PCDHGA10: variants seen among roughly 807,000 people sequenced by gnomAD.
The protein encoded by PCDHGA10 is protocadherin gamma-A10.
A neutral mutation model predicts 59.5 loss-of-function variants in PCDHGA10; 42 were observed. That is an observed-to-expected ratio of 0.71 (90% confidence interval 0.55 to 0.91). The LOEUF (loss-of-function observed/expected upper bound fraction) is 0.91. Ranked by LOEUF, PCDHGA10 falls within the 40% of genes least tolerant of loss-of-function variation. The pLI, the probability that PCDHGA10 is intolerant of heterozygous loss-of-function variation, is 0.00. For missense variants in PCDHGA10, 1,111 were observed against 1,198.2 expected (o/e 0.93, Z 1.07); for synonymous variants, 511 against 517.2 (o/e 0.99, Z 0.16).
In PCDHGA10 at chr5:141,489,872, T is replaced by A. The variant is rs2099693206; in HGVS notation, c.2437-4935T>A. 1 of 1,614,090 alleles carries A rather than the reference T, an allele frequency of 6.2e-7. No homozygotes were observed. The highest frequency in any genetic ancestry group is 8.5e-7 in the Non-Finnish European group (1 of 1,180,016). On this transcript the variant is annotated intron_variant, in intron 1 of 3. Coordinates refer to ENST00000398610, the MANE Select transcript of PCDHGA10 (RefSeq NM_018913.3). The surrounding 1 kb of genome is among the most constrained non-coding windows in gnomAD (Gnocchi z 4.5). ...GAAGCCCAGGCAAGACATCAGCTGG[T>A]GCTTACTGCTGTGGATGGGGGGACC...
chr5:141,476,613 G>T lies in PCDHGA10; in HGVS notation c.2437-18194G>T. On this transcript the variant is annotated intron_variant, in intron 1 of 3. Coordinates refer to ENST00000398610, the MANE Select transcript of PCDHGA10 (RefSeq NM_018913.3). The surrounding 1 kb of genome is among the most constrained non-coding windows in gnomAD (Gnocchi z 7.6). ...AGCGCGCACGATCCCGATGTGGGAA[G>T]CAACTCTTTACAAACCTATGAGCTG... 2 of 1,614,266 alleles carry T rather than the reference G, an allele frequency of 1.2e-6. No homozygotes were observed. The highest frequency in any genetic ancestry group is 2.7e-5 in the African/African-American group (2 of 75,078).
rs2154594699 is a variant in PCDHGA10 at position 141,512,507 on chromosome 5, C to T, written c.*1334C>T. 6.5e-6 allele frequency: 1 copy of T among 153,048 alleles called. No individual in the cohort carries two copies. Among genetic ancestry groups the T allele is most frequent in the South Asian group, 2.1e-4 (1 of 4,836 alleles). 9.5% of individuals were successfully genotyped at this position (153,048 alleles called of 1,614,324 possible). ...CACTGCCCAGGTCCCCAGTGCGCCCCCTAGTGGCCATAGCCTGGTTAAAGT... is the reference window on the plus strand; with the variant it reads ...CACTGCCCAGGTCCCCAGTGCGCCCTCTAGTGGCCATAGCCTGGTTAAAGT... On this transcript the variant is annotated 3_prime_UTR_variant, in exon 4 of 4. Transcript: ENST00000398610.
rs139211149 is a variant in PCDHGA10, at chr5:141,426,067, G to A, written c.2436+10456G>A. Among the ~76,000 whole-genome samples, 5 of 152,328 alleles carry A rather than the reference G, an allele frequency of 3.3e-5. No individual in the cohort carries two copies. The East Asian group carries it at 9.6e-4, about 29-fold the overall frequency. On this transcript the variant is annotated intron_variant, in intron 1 of 3. Coordinates refer to ENST00000398610, the MANE Select transcript of PCDHGA10 (RefSeq NM_018913.3). Reference sequence around the variant, plus strand: ...TGGCCAATGTGCTGCAAGAACTGGAGCCTGGGATCTACCAGGACGATATTC... The same window carrying A: ...TGGCCAATGTGCTGCAAGAACTGGAACCTGGGATCTACCAGGACGATATTC...
At chr5:141,421,603 G>T (rs1207844782) in intron 1 of PCDHGA10, 4 of 1,613,758 alleles carry the variant, frequency 2.5e-6, no homozygotes, top group Non-Finnish European at 3.4e-6. Context: ...GGAAATAATA[G>T]ATATTAATGA....
intron 1 of PCDHGA10, among the ~76,000 whole-genome samples, chr5:141,437,829 C>T (rs2097913718): frequency 6.6e-6 from 1 of 151,986 alleles, no homozygotes; most frequent in Admixed American, 6.6e-5. Flanking sequence ...CCTCTGCCTC[C>T]TGGGTTCATG....
chr5:141,475,908 A>G (rs531350638), intron 1 of PCDHGA10: 110 of 585,688 alleles, frequency 1.9e-4, no homozygotes, highest in Non-Finnish European at 2.5e-4. Context: ...CTGTCGGCCA[A>G]TGAAGACGCT....
chr5:141,481,142 G>T (rs2099532501), intron 1 of PCDHGA10, among the ~76,000 whole-genome samples: 1 of 152,212 alleles, frequency 6.6e-6, no homozygotes, highest in Non-Finnish European at 1.5e-5. Context: ...GAAGTAAAGT[G>T]TTATTCTGGT....
Position 141,476,702 on chromosome 5 carries a change from C to CTGG in PCDHGA10, c.2437-18102_2437-18100dup, listed in dbSNP as rs1562056101. On this transcript the variant is annotated intron_variant, in intron 1 of 3. Coordinates refer to ENST00000398610, the MANE Select transcript of PCDHGA10 (RefSeq NM_018913.3). This position sits in a 1 kb window ranked among gnomAD's most constrained non-coding sequence, Gnocchi z 7.6. ...GGAGGACAGCACCAAGTACGCGGAG[C>CTGG]TGGTGTTGGAGCGCGCCCTGGACCG... 5 of 1,614,222 alleles carry CTGG rather than the reference C, an allele frequency of 3.1e-6. No homozygotes were observed. The highest frequency in any genetic ancestry group is 4.2e-6 in the Non-Finnish European group (5 of 1,180,042).
intron 1 of PCDHGA10, among the ~76,000 whole-genome samples, chr5:141,443,859 GAA>G (rs2098408229): frequency 6.6e-6 from 1 of 152,104 alleles, no homozygotes; most frequent in Non-Finnish European, 1.5e-5. Context: ...TCTGAAAACT[GAA>G]AAAATTACTG....
Position 141,431,706 on chromosome 5 carries a change from AG to A in PCDHGA10, c.2436+16096del. The A allele has an allele frequency of 6.2e-7, 1 of 1,614,248 alleles. No homozygotes were observed. The highest frequency in any genetic ancestry group is 8.5e-7 in the Non-Finnish European group (1 of 1,180,048). ...GACCACGAGGAGTCAGGATTCTACC[AG>A]ATGGAAGTGCAAGCAATGGATAATG... On this transcript the variant is annotated intron_variant, in intron 1 of 3. Coordinates refer to ENST00000398610, the MANE Select transcript of PCDHGA10 (RefSeq NM_018913.3). This position sits in a 1 kb window ranked among gnomAD's most constrained non-coding sequence, Gnocchi z 4.8.
intron 1 of PCDHGA10, among the ~76,000 whole-genome samples, chr5:141,452,947 G>C (rs2098752833): frequency 6.6e-6 from 1 of 152,144 alleles, no homozygotes; most frequent in Non-Finnish European, 1.5e-5. Flanking sequence ...GCTTGCAATT[G>C]GTTGTCTTTA....
chr5:141,422,117 C>A, intron 1 of PCDHGA10: 1 of 1,604,272 alleles, frequency 6.2e-7, no homozygotes, highest in East Asian at 2.2e-5. Context: ...CAATTGGATT[C>A]ACAAACTGGA....
In PCDHGA10 at chr5:141,454,484, G is replaced by A. The variant is rs555881095; in HGVS notation, c.2436+38873G>A. On this transcript the variant is annotated intron_variant, in intron 1 of 3. Transcript: ENST00000398610. The stretch of plus-strand genomic sequence containing the variant: ...TGCAATGGCATGATCTCAGCTCACC[G>A]CAACCTCCACCTCCTGGATTCAGGC... Among the ~76,000 whole-genome samples, 7 of 152,218 alleles carry A rather than the reference G, an allele frequency of 4.6e-5. No individual in the cohort carries two copies. In the East Asian group the frequency reaches 7.7e-4, roughly 17 times the overall value.
chr5:141,419,618 C>T (rs746617593), intron 1 of PCDHGA10: 3 of 1,612,326 alleles, frequency 1.9e-6, no homozygotes, highest in South Asian at 1.1e-5. Flanking sequence ...GCCAGGCTAC[C>T]TGGTGACCAA....
chr5:141,421,512 G>T, intron 1 of PCDHGA10: 2 of 1,614,094 alleles, frequency 1.2e-6, no homozygotes, highest in Non-Finnish European at 1.7e-6. Context: ...ACCGGGAGGA[G>T]CTCTGTGAGA....
chr5:141,419,785 G>T, intron 1 of PCDHGA10: 2 of 1,614,052 alleles, frequency 1.2e-6, no homozygotes, highest in Non-Finnish European at 1.7e-6. Flanking sequence ...GCCAGCGCCT[G>T]CTAGTCGCTG....
In PCDHGA10 at chr5:141,472,994, A is replaced by G. The variant is rs188075835; in HGVS notation, c.2437-21813A>G. Among the ~76,000 whole-genome samples, 1,141 of 151,802 alleles carry G rather than the reference A, an allele frequency of 7.5e-3. 5 individuals carry two copies. The highest frequency in any genetic ancestry group is 0.017 in the Middle Eastern group (5 of 294). ...AGAGTGAAACTCAAAAAAAAAAAAA[A>G]AAAGAAAGAAAAAGAAAAAGAAAGA... On this transcript the variant is annotated intron_variant, in intron 1 of 3. Transcript: ENST00000398610.
chr5:141,485,982 A>G lies in PCDHGA10; in HGVS notation c.2437-8825A>G. 6.2e-7 allele frequency: 1 copy of G among 1,614,156 alleles called. No homozygotes were observed. The highest frequency in any genetic ancestry group is 8.5e-7 in the Non-Finnish European group (1 of 1,180,020). ...ATCCAGCTCAATGCCTCAGACCCGG[A>G]CCTGGGTCCCAGTGGTAACGTCACC... On this transcript the variant is annotated intron_variant, in intron 1 of 3. Coordinates refer to ENST00000398610, the MANE Select transcript of PCDHGA10 (RefSeq NM_018913.3). The surrounding 1 kb of genome is among the most constrained non-coding windows in gnomAD (Gnocchi z 5.7).
At position 141,414,415 on chromosome 5, in the gene PCDHGA10, C is replaced by T. The variant is rs769791452; in HGVS notation, c.1240C>T (p.Leu414Phe). ...SYYRLVIHRALDREQVSSYNI... is the reference protein window; with the variant it reads ...SYYRLVIHRAFDREQVSSYNI... ...TTACAGATTGGTGATACACAGAGCC[C>T]TTGACAGGGAACAGGTATCCTCTTA... The change falls in exon 1 of 4, where the codon CTT (leucine) becomes TTT (phenylalanine). Residue 414 changes from leucine to phenylalanine, a missense_variant. Coordinates refer to ENST00000398610, the MANE Select transcript of PCDHGA10 (RefSeq NM_018913.3). The T allele has an allele frequency of 2.5e-6, 4 of 1,613,758 alleles. No individual in the cohort carries two copies. Among genetic ancestry groups the T allele is most frequent in the Non-Finnish European group, 8.5e-7 (1 of 1,179,880 alleles).
Sources: gnomAD v4.1 joint callset for allele counts (sites outside exome capture counted in the v4.1 genomes callset) on GRCh38, gnomAD v4.1.1 for gene constraint, Gnocchi (gnomAD v3.1) non-coding constraint, MANE v1.5 for transcripts, NCBI Gene and HGNC (gene_info 2026-07-23, HGNC 2026-07-21) for gene names.